The following CGAS variants were observed in gnomAD, a reference collection of about 807,000 sequenced individuals.
CGAS encodes the protein cyclic GMP-AMP synthase.
Under a neutral mutation model 34.0 loss-of-function variants are expected in CGAS, and 31 were observed. The observed-to-expected ratio is 0.91, with a 90% CI of 0.69 to 1.23. The LOEUF (loss-of-function observed/expected upper bound fraction) is 1.23. Ranked by LOEUF, CGAS falls within the 50% of genes most tolerant of loss-of-function variation. The pLI is 0.00. For missense variants in CGAS, 597 were observed against 657.6 expected (o/e 0.91, Z 1.01); for synonymous variants, 266 against 260.0 (o/e 1.02, Z -0.22).
rs755069817 is a variant in CGAS, at chr6:73,451,927, A to G, written c.255T>C (p.Pro85=). The G allele has an allele frequency of 2.7e-6, 4 of 1,506,242 alleles. No individual in the cohort carries two copies. Among genetic ancestry groups the G allele is most frequent in the Non-Finnish European group, 3.6e-6 (4 of 1,124,444 alleles). The allele number at this position is 1,506,242 out of a possible 1,614,324, so 93.3% of individuals were successfully genotyped here. Residue 85 remains proline, a synonymous_variant, in exon 1 of 5, where the codon CCT becomes CCC. Coordinates refer to ENST00000370315, the MANE Select transcript of CGAS (RefSeq NM_138441.3). ...ACGGCTGCGTGTCCTGGGCGCGCTG[A>G]GGGGCCTTTTTGGCGCGGGCCCCAG... is the stretch of plus-strand genomic sequence containing the variant. ...RATGARAKKA[P]QRAQDTQPSD...
At chr6:73,440,126 T>C in intron 3 of CGAS, 83 bp downstream of exon 3, 1 of 1,227,994 alleles carries the variant, frequency 8.1e-7, no homozygotes, top group Non-Finnish European at 1.1e-6. Flanking sequence ...ACAGCATTGG[T>C]TGGCTGTTGA....
At position 73,452,072 on chromosome 6, in the gene CGAS, G is replaced by C. The variant is rs746906830; in HGVS notation, c.110C>G (p.Ser37Cys). 6.4e-7 allele frequency: 1 copy of C among 1,552,916 alleles called. No individual in the cohort carries two copies. The highest frequency in any genetic ancestry group is 2.0e-5 in the Admixed American group (1 of 49,468). ...CAGGGCGGCCTCGGGGGCAGCCGGAGACTCGGTGGGATCCATCGGGGCGCC... is the reference window on the plus strand; with the variant it reads ...CAGGGCGGCCTCGGGGGCAGCCGGACACTCGGTGGGATCCATCGGGGCGCC... ...ARGAPMDPTE[S>C]PAAPEAALPK... Residue 37 changes from serine to cysteine, a missense_variant, in exon 1 of 5, where the codon TCT (serine) becomes TGT (cysteine). Physicochemically the swap from Ser to Cys is moderately radical, Grantham distance 112. Around this residue, in one of 3 missense-constraint regions of CGAS, gnomAD observed 321 missense variants for 314.3 expected, o/e 1.02. Coordinates refer to ENST00000370315, the MANE Select transcript of CGAS (RefSeq NM_138441.3).
intron 4 of CGAS, 99 bp from the exon 5 acceptor site, chr6:73,425,677 A>G: frequency 1.3e-6 from 1 of 766,454 alleles, no homozygotes; most frequent in South Asian, 1.9e-5. Flanking sequence ...AAAGATATAT[A>G]ATAACATAAA....
At chr6:73,440,074 C>G (rs955468978) in intron 3 of CGAS, 135 bp downstream of exon 3, 2 of 726,162 alleles carry the variant, frequency 2.8e-6, no homozygotes, top group Non-Finnish European at 4.4e-6. Flanking sequence ...CACCAGACTC[C>G]CATCTTATAA....
At chr6:73,451,416 C>A in intron 1 of CGAS, 109 bp downstream of exon 1, 3 of 1,245,652 alleles carry the variant, frequency 2.4e-6, no homozygotes, top group South Asian at 1.6e-5. Context: ...ATGCAAAAGT[C>A]TAAGTTACTT....
intron 4 of CGAS, among the ~76,000 whole-genome samples, chr6:73,427,315 T>TTTAC (rs1266544518): frequency 3.4e-5 from 5 of 149,244 alleles, no homozygotes; most frequent in African/African-American, 4.9e-5. Context: ...TATTTATTTA[T>TTTAC]TTAAGATGGA....
chr6:73,428,608 C>G (rs561428390), intron 4 of CGAS, 101 bp downstream of exon 4: 9 of 1,100,272 alleles, frequency 8.2e-6, no homozygotes, highest in East Asian at 5.0e-5. Context: ...CCCTGCCCCC[C>G]AGACCCAACC....
chr6:73,444,797 A>G (rs1378076970), intron 2 of CGAS, among the ~76,000 whole-genome samples: 1 of 152,162 alleles, frequency 6.6e-6, no homozygotes, highest in Non-Finnish European at 1.5e-5. Context: ...GGGTGGGAGT[A>G]GGGTGCTGGG....
rs116029999 is a variant in CGAS, at chr6:73,432,616, C to A, written c.1115-3805G>T. ...GGGACAACAGGTGCATATTACCACA[C>A]CCAGCTAATTTATTTTGTATTTTTT... On this transcript the variant is annotated intron_variant, in intron 3 of 4. Coordinates refer to ENST00000370315, the MANE Select transcript of CGAS (RefSeq NM_138441.3). Among the ~76,000 whole-genome samples, 776 of 152,214 alleles carry A rather than the reference C, an allele frequency of 5.1e-3. 4 individuals carry two copies. The highest frequency in any genetic ancestry group is 0.018 in the African/African-American group (741 of 41,542).
At chr6:73,432,969 A>G (rs911070773) in intron 3 of CGAS, among the ~76,000 whole-genome samples, 2 of 152,108 alleles carry the variant, frequency 1.3e-5, no homozygotes, top group Non-Finnish European at 2.9e-5. Context: ...CTGTAATCCC[A>G]GCTACTCAGG....
At chr6:73,448,526 A>T (rs997193571) in intron 1 of CGAS, among the ~76,000 whole-genome samples, 1 of 152,256 alleles carries the variant, frequency 6.6e-6, no homozygotes, top group Non-Finnish European at 1.5e-5. Flanking sequence ...AAAAGAACAT[A>T]TGGACTGACA....
At position 73,425,104 on chromosome 6, in the gene CGAS, T is replaced by G; in HGVS notation, c.*123A>C. On this transcript the variant is annotated 3_prime_UTR_variant, in exon 5 of 5. Transcript: ENST00000370315. ...CCTGACCTCAAGTGATCCGCCTGCC[T>G]CGGCCTCCAAAGAGCTGGGATTACA... is the stretch of plus-strand genomic sequence containing the variant. The G allele has an allele frequency of 1.5e-6, 1 of 662,216 alleles. No homozygotes were observed. Among genetic ancestry groups the G allele is most frequent in the Non-Finnish European group, 2.4e-6 (1 of 409,534 alleles). 41.0% of individuals were successfully genotyped at this position (662,216 alleles called of 1,614,324 possible).
chr6:73,429,662 C>CAAA (rs1770155162), intron 3 of CGAS, among the ~76,000 whole-genome samples: 1 of 151,216 alleles, frequency 6.6e-6, no homozygotes, highest in South Asian at 2.1e-4. Flanking sequence ...CTGCCTCTAC[C>CAAA]AAAAATACAA....
intron 4 of CGAS, among the ~76,000 whole-genome samples, chr6:73,428,505 G>A (rs1383280776): frequency 2.0e-5 from 3 of 151,880 alleles, no homozygotes; most frequent in Non-Finnish European, 4.4e-5. Context: ...ACTATTCCCC[G>A]GCCTTGCCTT....
In CGAS at chr6:73,424,332, G is replaced by T. The variant is rs1300457970; in HGVS notation, c.*895C>A. On this transcript the variant is annotated 3_prime_UTR_variant, in exon 5 of 5. Coordinates refer to ENST00000370315, the MANE Select transcript of CGAS (RefSeq NM_138441.3). ...ACCTGTAGTCCCAGCTACTCGGAAGGCTGAGGCAGGAGAATGGCATGAACC... is the reference window on the plus strand; with the variant it reads ...ACCTGTAGTCCCAGCTACTCGGAAGTCTGAGGCAGGAGAATGGCATGAACC... The T allele has an allele frequency of 6.6e-6, 1 of 152,008 alleles. No homozygotes were observed. Among genetic ancestry groups the T allele is most frequent in the Non-Finnish European group, 1.5e-5 (1 of 68,084 alleles). 9.4% of individuals were successfully genotyped at this position (152,008 alleles called of 1,614,324 possible).
intron 4 of CGAS, among the ~76,000 whole-genome samples, chr6:73,425,948 T>C (rs1770079062): frequency 6.6e-6 from 1 of 151,052 alleles, no homozygotes; most frequent in Non-Finnish European, 1.5e-5. Flanking sequence ...CACTCCAGCC[T>C]GGGCAACAAG....
At chr6:73,449,931 G>T (rs1436230403) in intron 1 of CGAS, among the ~76,000 whole-genome samples, 1 of 151,912 alleles carries the variant, frequency 6.6e-6, no homozygotes, top group Non-Finnish European at 1.5e-5. Flanking sequence ...GAAGCCGGAG[G>T]TTGCAGCGAA....
rs945506518 is a variant in CGAS, at chr6:73,424,064, A to T, written c.*1163T>A. On this transcript the variant is annotated 3_prime_UTR_variant, in exon 5 of 5. Transcript: ENST00000370315. ...AAAGTGTTACTGAAAGTAAAAATAA[A>T]TAGATAACAGAAAATAAGTTAGGTT... The T allele has an allele frequency of 6.6e-6, 1 of 152,210 alleles. No homozygotes were observed. The highest frequency in any genetic ancestry group is 6.6e-5 in the Admixed American group (1 of 15,266). The allele number at this position is 152,210 out of a possible 1,614,324, so 9.4% of individuals were successfully genotyped here. A position where few individuals can be genotyped will look rare whatever the true frequency, so the allele number is the denominator to read the frequency against.
Position 73,425,704 on chromosome 6 carries a change from T to G in CGAS, c.1218-126A>C. The G allele has an allele frequency of 4.8e-6, 3 of 622,242 alleles. No individual in the cohort carries two copies. In the South Asian group the frequency reaches 6.6e-5, roughly 14 times the overall value. 38.5% of individuals were successfully genotyped at this position (622,242 alleles called of 1,614,324 possible). Reference sequence around the variant, plus strand: ...TAACATAAATATAGGCCGGGCGTGGTGACACAACGCCTGTAATCCCAGCAC... The same window carrying G: ...TAACATAAATATAGGCCGGGCGTGGGGACACAACGCCTGTAATCCCAGCAC... On this transcript the variant is annotated intron_variant, in intron 4 of 4. Transcript: ENST00000370315.
Sources: allele counts gnomAD v4.1 joint callset (sites outside exome capture counted in the v4.1 genomes callset), GRCh38; gene constraint gnomAD v4.1.1; regional missense constraint gnomAD v4.1.1; transcripts MANE v1.5; gene names NCBI Gene and HGNC (gene_info 2026-07-23, HGNC 2026-07-21).